Variants in ACBD5 observed in about 807,000 individuals in gnomAD.
The protein encoded by ACBD5 is acyl-CoA-binding domain-containing protein 5.
Under a neutral mutation model 71.8 loss-of-function variants are expected in ACBD5, and 40 were observed. The ratio of observed to expected loss-of-function variants is 0.56; its 90% CI spans 0.43 to 0.72. The LOEUF (loss-of-function observed/expected upper bound fraction) is 0.72, where lower values mean the gene tolerates loss of function less well. Ranked by LOEUF, ACBD5 falls within the 30% of genes least tolerant of loss-of-function variation. The pLI is 0.00. For synonymous variants in ACBD5, 229 were observed against 218.6 expected (o/e 1.05, Z -0.42); for missense variants, 559 against 644.5 (o/e 0.87, Z 1.44).
intron 3 of ACBD5, among the ~76,000 whole-genome samples, chr10:27,232,720 G>T (rs1433391304): frequency 1.3e-5 from 2 of 152,072 alleles, no homozygotes; most frequent in Non-Finnish European, 2.9e-5. Flanking sequence ...AATGGAAATG[G>T]TTTCTCACTT....
chr10:27,242,070 C>T (rs1220972700), upstream of ACBD5: 1 of 453,446 alleles, frequency 2.2e-6, no homozygotes, highest in South Asian at 1.6e-5. Flanking sequence ...TTGGTATTGC[C>T]GGACAAGGCC....
At chr10:27,201,467 T>G (rs2136653581) in intron 12 of ACBD5, among the ~76,000 whole-genome samples, 1 of 152,352 alleles carries the variant, frequency 6.6e-6, no homozygotes, top group South Asian at 2.1e-4. Context: ...GCAGACTTTA[T>G]GTATTAATTT....
At chr10:27,232,853 C>A (rs1406725551) in intron 3 of ACBD5, among the ~76,000 whole-genome samples, 1 of 152,136 alleles carries the variant, frequency 6.6e-6, no homozygotes, top group Admixed American at 6.5e-5. Flanking sequence ...AGGAGTTTAA[C>A]TCCACCAAAG....
rs750969044 is a variant in ACBD5 at position 27,196,307 on chromosome 10, A to G, written c.*1123T>C. 8.8e-6 allele frequency: 4 copies of G among 454,032 alleles called. No individual in the cohort carries two copies. Among genetic ancestry groups the G allele is most frequent in the Non-Finnish European group, 1.3e-5 (3 of 226,804 alleles). 28.1% of individuals were successfully genotyped at this position (454,032 alleles called of 1,614,324 possible). On this transcript the variant is annotated 3_prime_UTR_variant, in exon 13 of 13. Transcript: ENST00000396271. The stretch of plus-strand genomic sequence containing the variant: ...GGAAGGCATACAGGAAAAGTCTCCA[A>G]GGATCTAAATTGTAGTCTTCTTTTT...
chr10:27,195,707 A>T lies in ACBD5; in HGVS notation c.*1723T>A. On this transcript the variant is annotated 3_prime_UTR_variant, in exon 13 of 13. Coordinates refer to ENST00000396271, the MANE Select transcript of ACBD5 (RefSeq NM_145698.5). Reference sequence around the variant, plus strand: ...AGATCCCTTTAGACAGACATATTTTAATCAGTATGGGATTAAATAATTAAA... The same window carrying T: ...AGATCCCTTTAGACAGACATATTTTTATCAGTATGGGATTAAATAATTAAA... 2.4e-6 allele frequency: 1 copy of T among 422,498 alleles called. No individual in the cohort carries two copies. The highest frequency in any genetic ancestry group is 4.6e-6 in the Non-Finnish European group (1 of 218,394). 26.2% of individuals were successfully genotyped at this position (422,498 alleles called of 1,614,324 possible). A position where few individuals can be genotyped will look rare whatever the true frequency, so the allele number is the denominator to read the frequency against.
chr10:27,238,556 T>A (rs75617079), intron 2 of ACBD5, among the ~76,000 whole-genome samples: 2,509 of 152,292 alleles, frequency 0.016, 144 homozygotes, highest in South Asian at 0.16. Context: ...ATGCTTTTTT[T>A]TATATTTTAT....
In ACBD5 at chr10:27,210,922, C is replaced by T. The variant is rs1269843372; in HGVS notation, c.1096G>A (p.Gly366Ser). The change falls in exon 9 of 13, where the codon GGT becomes AGT. Residue 366 changes from glycine (G) to serine (S), a missense_variant. By Grantham distance (56) the Gly-to-Ser change is moderately conservative. Coordinates refer to ENST00000396271, the MANE Select transcript of ACBD5 (RefSeq NM_145698.5). ...NMQVVAVEGK[G>S]EVKHGGEDGR... Reference sequence around the variant, plus strand: ...TCTTCTCCTCCATGCTTGACTTCACCTTTTCCTTCAACTGCAACCACCTGC... The same window carrying T: ...TCTTCTCCTCCATGCTTGACTTCACTTTTTCCTTCAACTGCAACCACCTGC... The T allele has an allele frequency of 6.2e-7, 1 of 1,614,174 alleles. No homozygotes were observed. Among genetic ancestry groups the T allele is most frequent in the Non-Finnish European group, 8.5e-7 (1 of 1,180,042 alleles).
chr10:27,191,291 G>C (rs930998690), downstream of ACBD5, among the ~76,000 whole-genome samples: 3 of 152,212 alleles, frequency 2.0e-5, no homozygotes, highest in Non-Finnish European at 4.4e-5. Context: ...GTGGTTGCCA[G>C]AAGTTAGGAG....
chr10:27,208,739 G>A (rs2060740299), intron 9 of ACBD5, among the ~76,000 whole-genome samples: 1 of 152,134 alleles, frequency 6.6e-6, no homozygotes, highest in Admixed American at 6.5e-5. Context: ...TCAGGAGCCT[G>A]AGGCAGGAGA....
intron 3 of ACBD5, among the ~76,000 whole-genome samples, chr10:27,233,099 G>A (rs901867243): frequency 6.6e-6 from 1 of 152,128 alleles, no homozygotes; most frequent in African/African-American, 2.4e-5. Flanking sequence ...TGAAGAAACT[G>A]AGCATCACAG....
chr10:27,185,491 G>A (rs1284724894), intron 13 of ACBD5, among the ~76,000 whole-genome samples: 1 of 151,836 alleles, frequency 6.6e-6, no homozygotes, highest in Non-Finnish European at 1.5e-5. Context: ...AAATTAGCCA[G>A]GCTTGGTGGT....
At chr10:27,199,104 G>C (rs1168094981) in intron 12 of ACBD5, among the ~76,000 whole-genome samples, 2 of 151,428 alleles carry the variant, frequency 1.3e-5, no homozygotes, top group African/African-American at 4.9e-5. Flanking sequence ...GCAAGACTCT[G>C]TCTCAAAATA....
Position 27,219,732 on chromosome 10 carries a change from T to C in ACBD5, c.616A>G (p.Ser206Gly). 6.2e-7 allele frequency: 1 copy of C among 1,614,014 alleles called. No individual in the cohort carries two copies. The highest frequency in any genetic ancestry group is 1.1e-5 in the South Asian group (1 of 91,084). ...AQEEVKGAEQ[S>G]DNDKKMMKKS... ...ATTTTCCAAACATTACCATTATCAC[T>C]TTGTTCTGCTCCTTTCACTTCTTCT... is the stretch of plus-strand genomic sequence containing the variant. Residue 206 changes from serine to glycine, a missense_variant, in exon 6 of 13, where the codon AGT (serine) becomes GGT (glycine). Physicochemically the swap from Ser to Gly is moderately conservative, Grantham distance 56. Transcript: ENST00000396271.
chr10:27,196,802 A>G lies in ACBD5; in HGVS notation c.*628T>C, dbSNP rs1416191543. 8.8e-6 allele frequency: 4 copies of G among 453,958 alleles called. No homozygotes were observed. The highest frequency in any genetic ancestry group is 6.9e-5 in the East Asian group (1 of 14,402). The allele number at this position is 453,958 out of a possible 1,614,324, so 28.1% of individuals were successfully genotyped here. On this transcript the variant is annotated 3_prime_UTR_variant, in exon 13 of 13. Coordinates refer to ENST00000396271, the MANE Select transcript of ACBD5 (RefSeq NM_145698.5). ...TCTAGCCTGCAAATCATTTGTAAAAACTCAGTCTGGTACATAGGACTCCAC... is the reference window on the plus strand; with the variant it reads ...TCTAGCCTGCAAATCATTTGTAAAAGCTCAGTCTGGTACATAGGACTCCAC...
At chr10:27,183,934 A>T (rs2058478029) in intron 13 of ACBD5, among the ~76,000 whole-genome samples, 2 of 151,348 alleles carry the variant, frequency 1.3e-5, no homozygotes, top group South Asian at 4.2e-4. Context: ...CTGGTCTCGA[A>T]CTCCTGGGCT....
chr10:27,211,571 G>A lies in ACBD5; in HGVS notation c.937-490C>T, dbSNP rs1346187068. ...CCTGGCCTCATGATCCGCCCACCTC[G>A]GCCTCCCAAACTGCTGGGATTACAG... is the stretch of plus-strand genomic sequence containing the variant. On this transcript the variant is annotated intron_variant, in intron 8 of 12. Coordinates refer to ENST00000396271, the MANE Select transcript of ACBD5 (RefSeq NM_145698.5). 4.6e-5 allele frequency among the ~76,000 whole-genome samples: 7 copies of A among 151,990 alleles called. No homozygotes were observed. In the East Asian group the frequency reaches 9.6e-4, roughly 21 times the overall value.
intron 2 of ACBD5, among the ~76,000 whole-genome samples, chr10:27,236,353 T>C (rs555022014): frequency 6.6e-6 from 1 of 152,204 alleles, no homozygotes; most frequent in African/African-American, 2.4e-5. Flanking sequence ...AAAAACAACA[T>C]ATGTAATATG....
intron 7 of ACBD5, among the ~76,000 whole-genome samples, chr10:27,217,285 G>A (rs567336862): frequency 1.5e-4 from 23 of 149,748 alleles, no homozygotes; most frequent in African/African-American, 5.6e-4. Flanking sequence ...GTGAAACCCC[G>A]TCTCTACTAA....
chr10:27,241,330 C>T (rs1057203490), upstream of ACBD5, among the ~76,000 whole-genome samples: 2 of 152,224 alleles, frequency 1.3e-5, no homozygotes, highest in African/African-American at 2.4e-5. Context: ...TCGTGACACC[C>T]ACTCTAAAGG....
Sources: allele counts gnomAD v4.1 joint callset (sites outside exome capture counted in the v4.1 genomes callset), GRCh38; gene constraint gnomAD v4.1.1; transcripts MANE v1.5; gene names NCBI Gene and HGNC (gene_info 2026-07-23, HGNC 2026-07-21).